POU6F2: variants seen among roughly 807,000 people sequenced by gnomAD.
The protein encoded by POU6F2 is POU class 6 homeobox 2, also known as POU domain, class 6, transcription factor 2.
POU6F2 carries 31 observed loss-of-function variants against 71.3 expected under a neutral mutation model. That is an observed-to-expected ratio of 0.43 (90% confidence interval 0.33 to 0.59). The LOEUF (loss-of-function observed/expected upper bound fraction) is 0.59, where lower values mean the gene tolerates loss of function less well. Among genes scored for constraint, POU6F2 ranks in the 20% least tolerant of loss-of-function variants. The probability of loss-of-function intolerance (pLI) is 0.04; values close to 1 mark genes in which losing one functional copy is unlikely to be tolerated. For synonymous variants in POU6F2, 347 were observed against 355.7 expected (o/e 0.98, Z 0.27); for missense variants, 783 against 856.8 (o/e 0.91, Z 1.07).
intron 1 of POU6F2, among the ~76,000 whole-genome samples, chr7:38,990,662 C>A (rs1218725359): frequency 6.6e-6 from 1 of 152,006 alleles, no homozygotes. Flanking sequence ...TGTTCTTTTT[C>A]TTTTTTTGTC....
In POU6F2 at chr7:39,093,182, T is replaced by G. The variant is rs767687655; in HGVS notation, c.277+7151T>G. Among the ~76,000 whole-genome samples, 132 of 152,122 alleles carry G rather than the reference T, an allele frequency of 8.7e-4. 1 individual carries two copies. Among genetic ancestry groups the G allele is most frequent in the Admixed American group, 2.4e-3 (36 of 15,270 alleles). The stretch of plus-strand genomic sequence containing the variant: ...CTACCTGGAACAATATAACTAATAG[T>G]CAAAGCAAGTCACTATTATTGGAGG... On this transcript the variant is annotated intron_variant, in intron 2 of 9. Transcript: ENST00000518318.
intron 4 of POU6F2, among the ~76,000 whole-genome samples, chr7:39,295,772 C>T (rs190808529): frequency 3.3e-5 from 5 of 152,354 alleles, no homozygotes; most frequent in Non-Finnish European, 4.4e-5. Flanking sequence ...AATTCATCCA[C>T]TAGAAATTTC....
At chr7:39,065,251 C>T (rs1337107322) in intron 1 of POU6F2, among the ~76,000 whole-genome samples, 1 of 151,624 alleles carries the variant, frequency 6.6e-6, no homozygotes, top group African/African-American at 2.4e-5. Flanking sequence ...TTTGTAAAAA[C>T]CCTCCACTAA....
chr7:39,339,329 G>A (rs1444675844), intron 4 of POU6F2, among the ~76,000 whole-genome samples: 1 of 152,192 alleles, frequency 6.6e-6, no homozygotes, highest in Non-Finnish European at 1.5e-5. Context: ...GTATGGAAAG[G>A]AAGAGAGAGA....
At chr7:39,214,832 G>A (rs1026640737) in intron 4 of POU6F2, among the ~76,000 whole-genome samples, 10 of 152,228 alleles carry the variant, frequency 6.6e-5, no homozygotes, top group Non-Finnish European at 1.3e-4. Flanking sequence ...GGAATCCAAG[G>A]TGGCAAGAAA....
chr7:39,006,892 C>T, intron 1 of POU6F2: 2 of 1,609,326 alleles, frequency 1.2e-6, no homozygotes, highest in South Asian at 1.1e-5. Flanking sequence ...TTTCAGAATG[C>T]CTACCAATAG....
intron 2 of POU6F2, among the ~76,000 whole-genome samples, chr7:39,131,440 CT>C (rs1296236194): frequency 6.6e-6 from 1 of 152,214 alleles, no homozygotes; most frequent in Non-Finnish European, 1.5e-5. Flanking sequence ...GGGCCGAGGA[CT>C]TTGGCGGTGG....
chr7:39,317,531 A>C (rs1465175701), intron 4 of POU6F2, among the ~76,000 whole-genome samples: 1 of 152,234 alleles, frequency 6.6e-6, no homozygotes, highest in Non-Finnish European at 1.5e-5. Flanking sequence ...CTAAGACATA[A>C]TACATTACCA....
chr7:39,441,228 C>CTT (rs112828864), intron 7 of POU6F2, among the ~76,000 whole-genome samples: 1,694 of 140,114 alleles, frequency 0.012, 32 homozygotes, highest in East Asian at 0.062. Context: ...TAAAGCTTAG[C>CTT]TTTTTTTTTT....
At chr7:39,242,178 A>G (rs1168295189) in intron 4 of POU6F2, among the ~76,000 whole-genome samples, 2 of 152,102 alleles carry the variant, frequency 1.3e-5, no homozygotes, top group Admixed American at 6.6e-5. Flanking sequence ...ACGTTTGCAT[A>G]TAGGTTTTTC....
At chr7:39,050,664 C>T (rs1235685181) in intron 1 of POU6F2, among the ~76,000 whole-genome samples, 3 of 152,118 alleles carry the variant, frequency 2.0e-5, no homozygotes, top group African/African-American at 7.2e-5. Flanking sequence ...TTGTTGACAT[C>T]TCTGCTGGGG....
chr7:39,246,136 G>A (rs1783814934), intron 4 of POU6F2, among the ~76,000 whole-genome samples: 1 of 152,136 alleles, frequency 6.6e-6, no homozygotes, highest in South Asian at 2.1e-4. Flanking sequence ...TGTCTCATTG[G>A]AGAAATGTTG....
At chr7:39,397,604 T>C (rs980295278) in intron 5 of POU6F2, among the ~76,000 whole-genome samples, 18 of 148,662 alleles carry the variant, frequency 1.2e-4, no homozygotes, top group African/African-American at 4.4e-4. Context: ...GTAATTCTCC[T>C]GCCTCAGGCT....
At chr7:39,351,092 G>A (rs1583544049) in intron 5 of POU6F2, among the ~76,000 whole-genome samples, 1 of 152,330 alleles carries the variant, frequency 6.6e-6, no homozygotes, top group East Asian at 1.9e-4. Flanking sequence ...AACTTTCCAG[G>A]AGACTCCGTG....
chr7:39,330,478 G>C (rs1361186381), intron 4 of POU6F2, among the ~76,000 whole-genome samples: 1 of 152,092 alleles, frequency 6.6e-6, no homozygotes, highest in African/African-American at 2.4e-5. Context: ...AATCTTTCAT[G>C]CTTTGTTTAT....
chr7:39,254,687 A>G (rs1783986063), intron 4 of POU6F2, among the ~76,000 whole-genome samples: 2 of 152,164 alleles, frequency 1.3e-5, no homozygotes, highest in African/African-American at 4.8e-5. Context: ...GCCATCCTCA[A>G]TCTGTTTTCT....
intron 1 of POU6F2, among the ~76,000 whole-genome samples, chr7:39,064,333 A>G (rs1228782676): frequency 6.6e-6 from 1 of 151,984 alleles, no homozygotes; most frequent in Non-Finnish European, 1.5e-5. Context: ...CAATGATATC[A>G]TTATATTCTC....
At chr7:39,391,894 C>T (rs1787082727) in intron 5 of POU6F2, among the ~76,000 whole-genome samples, 1 of 152,158 alleles carries the variant, frequency 6.6e-6, no homozygotes, top group Admixed American at 6.5e-5. Flanking sequence ...ATTGTGATAG[C>T]TCTGATCATG....
Position 39,003,713 on chromosome 7 carries a change from A to C in POU6F2, c.105+25655A>C, listed in dbSNP as rs541012706. On this transcript the variant is annotated intron_variant, in intron 1 of 9. Coordinates refer to ENST00000518318, the MANE Select transcript of POU6F2 (RefSeq NM_001370959.1). ...GCAGTGAGCCAAGATCGCGCCACTG[A>C]ACTCCAGCCTGGGCGACAGAGGGAG... Among the ~76,000 whole-genome samples, 15 of 151,918 alleles carry C rather than the reference A, an allele frequency of 9.9e-5. No individual in the cohort carries two copies. In the South Asian group the frequency reaches 2.7e-3, roughly 27 times the overall value.
Sources: gnomAD v4.1 joint callset for allele counts (sites outside exome capture counted in the v4.1 genomes callset) on GRCh38, gnomAD v4.1.1 for gene constraint, MANE v1.5 for transcripts, NCBI Gene and HGNC (gene_info 2026-07-23, HGNC 2026-07-21) for gene names.